Variants in NPHP1 observed in about 807,000 individuals in gnomAD.
NPHP1 encodes the protein nephrocystin-1.
In NPHP1, 70 loss-of-function variants were observed where a neutral mutation model predicts 90.4. The observed-to-expected ratio is 0.77, with a 90% CI of 0.64 to 0.95. The LOEUF (loss-of-function observed/expected upper bound fraction) is 0.95. Among genes scored for constraint, NPHP1 ranks in the 40% least tolerant of loss-of-function variants. NPHP1 has a pLI of 0.00. For missense variants in NPHP1, 764 were observed against 795.9 expected, an observed-to-expected ratio of 0.96 and a Z score of 0.48; for synonymous variants, 256 against 271.7, an observed-to-expected ratio of 0.94 and a Z score of 0.57.
chr2:110,178,558 A>C lies in NPHP1; in HGVS notation c.205-11T>G. ...TGCAGATTCATCAGCCTATGAGAGAATATAGGTCTATTTCACTAAAAAATT... is the reference window on the plus strand; with the variant it reads ...TGCAGATTCATCAGCCTATGAGAGACTATAGGTCTATTTCACTAAAAAATT... On this transcript the variant is annotated splice_polypyrimidine_tract_variant and intron_variant, in intron 3 of 19. Transcript: ENST00000445609. 6.3e-7 allele frequency: 1 copy of C among 1,598,096 alleles called. No individual in the cohort carries two copies. The highest frequency in any genetic ancestry group is 1.1e-5 in the South Asian group (1 of 87,008).
chr2:110,171,980 T>C (rs1339826081), intron 4 of NPHP1, among the ~76,000 whole-genome samples: 2 of 152,176 alleles, frequency 1.3e-5, no homozygotes, highest in African/African-American at 4.8e-5. Flanking sequence ...ATTGGCACTA[T>C]TTCTTTCTTA....
At chr2:110,148,284 G>A (rs1236023803) in intron 12 of NPHP1, among the ~76,000 whole-genome samples, 1 of 151,984 alleles carries the variant, frequency 6.6e-6, no homozygotes, top group Non-Finnish European at 1.5e-5. Context: ...TCTTGCTCCT[G>A]CACTGTCACG....
intron 2 of NPHP1, among the ~76,000 whole-genome samples, chr2:110,189,694 C>CA (rs1390614570): frequency 6.6e-6 from 1 of 152,060 alleles, no homozygotes; most frequent in Non-Finnish European, 1.5e-5. Flanking sequence ...TACAGAGAGC[C>CA]GAGTAGTCTG....
Position 110,136,683 on chromosome 2 carries a change from C to G in NPHP1, c.1530-4892G>C, listed in dbSNP as rs1680227324. Among the ~76,000 whole-genome samples, 3 of 152,172 alleles carry G rather than the reference C, an allele frequency of 2.0e-5. No individual in the cohort carries two copies. In the East Asian group the frequency reaches 5.8e-4, roughly 29 times the overall value. On this transcript the variant is annotated intron_variant, in intron 16 of 19. Coordinates refer to ENST00000445609, the MANE Select transcript of NPHP1 (RefSeq NM_001128178.3). ...TCAATGAAATAAAAGAGGATACAAA[C>G]AAATGGAAGAACATTCCATGCTCAT...
rs2104496966 is a variant in NPHP1 at position 110,147,967 on chromosome 2, T to C, written c.1218A>G (p.Ala406=). Residue 406 remains alanine, a synonymous_variant, in exon 13 of 20, where the codon GCA becomes GCG. Coordinates refer to ENST00000445609, the MANE Select transcript of NPHP1 (RefSeq NM_001128178.3). ...CAAATAATATTCCAAGATCTGGAGA[T>C]GCAGAATTAGACCTGATAAAGCAAT... The part of the protein sequence containing the change: ...DGDCFIRSNS[A]SPDLGILFEL... 6.2e-7 allele frequency: 1 copy of C among 1,611,340 alleles called. No homozygotes were observed. Among genetic ancestry groups the C allele is most frequent in the South Asian group, 1.1e-5 (1 of 91,028 alleles).
intron 8 of NPHP1, chr2:110,163,431 C>T (rs544906570): frequency 4.1e-5 from 16 of 388,562 alleles, no homozygotes; most frequent in South Asian, 2.0e-4. Context: ...CTCCACCCTG[C>T]GCTTCCATTT....
At chr2:110,150,390 C>T (rs2104506438) in intron 11 of NPHP1, 134 bp from the exon 12 acceptor site, 1 of 785,894 alleles carries the variant, frequency 1.3e-6, no homozygotes, top group South Asian at 1.4e-5. Flanking sequence ...CTTTTTACTT[C>T]ATGTAATTCT....
intron 4 of NPHP1, among the ~76,000 whole-genome samples, chr2:110,176,690 T>C (rs17162360): frequency 0.043 from 6,506 of 152,272 alleles, 458 homozygotes; most frequent in African/African-American, 0.15. Flanking sequence ...TCTTTATTCC[T>C]AGATCATGGT....
intron 2 of NPHP1, among the ~76,000 whole-genome samples, chr2:110,198,232 G>A (rs1685301868): frequency 6.6e-6 from 1 of 152,120 alleles, no homozygotes; most frequent in African/African-American, 2.4e-5. Flanking sequence ...TCTAGGACTT[G>A]AGTCAGCAGA....
chr2:110,135,838 A>C (rs1196001006), intron 16 of NPHP1, among the ~76,000 whole-genome samples: 1 of 152,156 alleles, frequency 6.6e-6, no homozygotes, highest in Non-Finnish European at 1.5e-5. Flanking sequence ...AGAAGGGAAA[A>C]TTATCACAGA....
intron 5 of NPHP1, among the ~76,000 whole-genome samples, chr2:110,169,039 G>C (rs192603111): frequency 3.3e-5 from 5 of 151,804 alleles, no homozygotes; most frequent in African/African-American, 1.2e-4. Context: ...GATATGTTTT[G>C]AATAACACTC....
At chr2:110,145,277 A>G (rs1055891185) in intron 14 of NPHP1, among the ~76,000 whole-genome samples, 3 of 152,212 alleles carry the variant, frequency 2.0e-5, no homozygotes, top group African/African-American at 7.2e-5. Context: ...ACTTCTGGGA[A>G]CAGTTTTGCT....
chr2:110,130,639 C>T (rs560447792), intron 17 of NPHP1, among the ~76,000 whole-genome samples: 1 of 152,240 alleles, frequency 6.6e-6, no homozygotes, highest in South Asian at 2.1e-4. Flanking sequence ...TGCTAAGCCT[C>T]TCACTCACTC....
intron 18 of NPHP1, chr2:110,128,925 C>T (rs762735743): frequency 1.2e-4 from 62 of 501,090 alleles, no homozygotes; most frequent in Middle Eastern, 5.4e-4. Flanking sequence ...CAGTGGCCAT[C>T]CTAAGTCAAG....
At chr2:110,192,675 C>T (rs1400016938) in intron 2 of NPHP1, among the ~76,000 whole-genome samples, 1 of 151,960 alleles carries the variant, frequency 6.6e-6, no homozygotes, top group Non-Finnish European at 1.5e-5. Flanking sequence ...AGATACTCCT[C>T]GAGAAGAGCA....
At position 110,197,125 on chromosome 2, in the gene NPHP1, G is replaced by T. The variant is rs953085960; in HGVS notation, c.143+4296C>A. 5.3e-5 allele frequency among the ~76,000 whole-genome samples: 8 copies of T among 152,048 alleles called. No individual in the cohort carries two copies. The South Asian group carries it at 8.3e-4, about 16-fold the overall frequency. On this transcript the variant is annotated intron_variant, in intron 2 of 19. Transcript: ENST00000445609. The stretch of plus-strand genomic sequence containing the variant: ...AGGGTAACAACATACACTGGGGCCT[G>T]TAGGAAGGAGGTATTAGAGGAGGGA...
At position 110,150,173 on chromosome 2, in the gene NPHP1, A is replaced by G. The variant is rs1405031251; in HGVS notation, c.1158+9T>C. 6.2e-7 allele frequency: 1 copy of G among 1,607,558 alleles called. No individual in the cohort carries two copies. Among genetic ancestry groups the G allele is most frequent in the Non-Finnish European group, 8.5e-7 (1 of 1,174,084 alleles). On this transcript the variant is annotated intron_variant, in intron 12 of 19. Coordinates refer to ENST00000445609, the MANE Select transcript of NPHP1 (RefSeq NM_001128178.3). Reference sequence around the variant, plus strand: ...TTCACTCACTCCACTCATTCAGCAGATTACTTACCTGGGGAGAAAAGGTCC... The same window carrying G: ...TTCACTCACTCCACTCATTCAGCAGGTTACTTACCTGGGGAGAAAAGGTCC...
chr2:110,124,570 T>C (rs1679218264), intron 19 of NPHP1: 1 of 219,478 alleles, frequency 4.6e-6, no homozygotes, highest in Admixed American at 5.1e-5. Context: ...GTGATGAGGA[T>C]GTCAGACCCT....
At chr2:110,142,444 C>A (rs1301363101) in intron 16 of NPHP1, among the ~76,000 whole-genome samples, 2 of 75,084 alleles carry the variant, frequency 2.7e-5, no homozygotes, top group Non-Finnish European at 6.4e-5. Flanking sequence ...TGGGCTCAAG[C>A]AATCCTCAAG....
Sources: allele counts gnomAD v4.1 joint callset (sites outside exome capture counted in the v4.1 genomes callset), GRCh38; gene constraint gnomAD v4.1.1; transcripts MANE v1.5; gene names NCBI Gene and HGNC (gene_info 2026-07-23, HGNC 2026-07-21).